Variants in SCRN1 observed in about 807,000 individuals in gnomAD.
The protein encoded by SCRN1 is secernin-1.
A neutral mutation model predicts 43.3 loss-of-function variants in SCRN1; 19 were observed. The ratio of observed to expected loss-of-function variants is 0.44; its 90% CI spans 0.31 to 0.64. The LOEUF is 0.64. Among genes scored for constraint, SCRN1 ranks in the 30% least tolerant of loss-of-function variants. The pLI is 0.09. For synonymous variants in SCRN1, 183 were observed against 188.9 expected (o/e 0.97, Z 0.26); for missense variants, 447 against 524.1 (o/e 0.85, Z 1.44).
intron 1 of SCRN1, among the ~76,000 whole-genome samples, chr7:29,987,248 T>C (rs932831666): frequency 6.6e-6 from 1 of 152,220 alleles, no homozygotes; most frequent in African/African-American, 2.4e-5. Flanking sequence ...CCATGCACAA[T>C]TTCTAGCTCT....
At position 29,921,263 on chromosome 7, in the gene SCRN1, T is replaced by A. The variant is rs1450628436; in HGVS notation, c.*2694A>T. On this transcript the variant is annotated 3_prime_UTR_variant, in exon 8 of 8. Transcript: ENST00000242059. ...CTATGACCCTTAAACATAATTTTTG[T>A]ATTTCATCTTGAATATTCATGTTCC... The A allele has an allele frequency of 6.5e-6, 1 of 152,678 alleles. No individual in the cohort carries two copies. The highest frequency in any genetic ancestry group is 2.1e-4 in the South Asian group (1 of 4,830). 9.5% of individuals were successfully genotyped at this position (152,678 alleles called of 1,614,324 possible). A position where few individuals can be genotyped will look rare whatever the true frequency, so the allele number is the denominator to read the frequency against.
intron 2 of SCRN1, among the ~76,000 whole-genome samples, chr7:29,960,070 A>AGCT (rs2128095282): frequency 6.6e-6 from 1 of 152,114 alleles, no homozygotes; most frequent in East Asian, 1.9e-4. Flanking sequence ...AGCTTTGCTC[A>AGCT]GCTCTCTCTG....
intron 6 of SCRN1, among the ~76,000 whole-genome samples, chr7:29,927,781 G>A (rs1787017453): frequency 6.6e-6 from 1 of 152,182 alleles, no homozygotes; most frequent in Admixed American, 6.5e-5. Context: ...TCTGGAGCTT[G>A]AGGAAGCCAG....
intron 2 of SCRN1, among the ~76,000 whole-genome samples, chr7:29,961,962 G>A (rs1033803793): frequency 5.3e-5 from 8 of 152,082 alleles, no homozygotes; most frequent in African/African-American, 1.9e-4. Context: ...GTTGAAGGGA[G>A]AACCGCCTGG....
intron 5 of SCRN1, among the ~76,000 whole-genome samples, chr7:29,939,239 G>C (rs151122076): frequency 1.3e-5 from 2 of 151,786 alleles, no homozygotes; most frequent in East Asian, 3.9e-4. Flanking sequence ...AAAGAGACAG[G>C]GTCTCACTCT....
intron 4 of SCRN1, among the ~76,000 whole-genome samples, chr7:29,942,982 C>T (rs927388711): frequency 6.6e-6 from 1 of 152,110 alleles, no homozygotes; most frequent in African/African-American, 2.4e-5. Context: ...GTAGATCTTC[C>T]GCTTCTAACT....
chr7:29,936,844 C>T (rs1346585271), intron 5 of SCRN1, 123 bp from the exon 6 acceptor site: 7 of 647,004 alleles, frequency 1.1e-5, no homozygotes, highest in East Asian at 3.2e-5. Context: ...CAGGAGATCG[C>T]GACCATCCTG....
chr7:29,926,718 TCCCAAGCCAACTTA>T, intron 6 of SCRN1, 86 bp from the exon 7 acceptor site: 3 of 890,074 alleles, frequency 3.4e-6, no homozygotes, highest in East Asian at 4.2e-5. Flanking sequence ...AGCAAACATT[TCCCAAGCCAACTTA>T]TGGTGGGTGG....
chr7:29,958,666 C>T (rs1315439876), intron 2 of SCRN1, among the ~76,000 whole-genome samples: 2 of 152,228 alleles, frequency 1.3e-5, no homozygotes, highest in Non-Finnish European at 2.9e-5. Flanking sequence ...TTTACAGAGA[C>T]GGTGCTGGTC....
intron 5 of SCRN1, among the ~76,000 whole-genome samples, chr7:29,937,927 A>G (rs374839830): frequency 6.6e-6 from 1 of 152,170 alleles, no homozygotes; most frequent in Non-Finnish European, 1.5e-5. Flanking sequence ...GCTTGCTTCA[A>G]CTGTCCAATG....
intron 2 of SCRN1, among the ~76,000 whole-genome samples, chr7:29,960,525 C>T (rs185137709): frequency 2.6e-5 from 4 of 152,240 alleles, no homozygotes; most frequent in Admixed American, 2.6e-4. Context: ...ATCAAGAATT[C>T]TGTCTCTGTA....
At chr7:29,949,043 C>T (rs368627517) in intron 3 of SCRN1, among the ~76,000 whole-genome samples, 2 of 152,106 alleles carry the variant, frequency 1.3e-5, no homozygotes, top group Non-Finnish European at 2.9e-5. Flanking sequence ...AGGACAGGAG[C>T]GGTGGCTCAC....
chr7:29,984,912 C>CT (rs1327707048), intron 1 of SCRN1, among the ~76,000 whole-genome samples: 1 of 131,878 alleles, frequency 7.6e-6, no homozygotes, highest in East Asian at 2.0e-4. Context: ...GAGCTAGACT[C>CT]TGTCTCAAAA....
intron 3 of SCRN1, among the ~76,000 whole-genome samples, chr7:29,953,628 T>C (rs1788030876): frequency 6.6e-6 from 1 of 152,208 alleles, no homozygotes; most frequent in Admixed American, 6.5e-5. Flanking sequence ...ACTGGCTTTT[T>C]CTGCCTTTTC....
intron 1 of SCRN1, among the ~76,000 whole-genome samples, chr7:29,975,958 G>A (rs1384672127): frequency 6.6e-6 from 1 of 152,162 alleles, no homozygotes; most frequent in Non-Finnish European, 1.5e-5. Flanking sequence ...TGCTATTGGA[G>A]GAGAGGAGAC....
chr7:29,966,943 T>A (rs1788516469), intron 2 of SCRN1, among the ~76,000 whole-genome samples: 1 of 151,368 alleles, frequency 6.6e-6, no homozygotes, highest in Non-Finnish European at 1.5e-5. Flanking sequence ...AAGATTTAGA[T>A]ATGAAAATAA....
rs1786861339 is a variant in SCRN1, at chr7:29,924,093, C to T, written c.1109G>A (p.Ser370Asn). 1.2e-6 allele frequency: 2 copies of T among 1,613,076 alleles called. No individual in the cohort carries two copies. The highest frequency in any genetic ancestry group is 1.3e-5 in the African/African-American group (1 of 74,856). ...SDQEQGRKLRSTMLELEKQGL... is the reference protein window; with the variant it reads ...SDQEQGRKLRNTMLELEKQGL... The stretch of plus-strand genomic sequence containing the variant: ...TTGCTTCTCCAGCTCCAGCATGGTG[C>T]TCCTCAGCTTGCGACCTTGCTCCTG... Residue 370 changes from serine to asparagine, a missense_variant, in exon 8 of 8, where the codon AGC (serine) becomes AAC (asparagine). Physicochemically the swap from Ser to Asn is conservative, Grantham distance 46. Coordinates refer to ENST00000242059, the MANE Select transcript of SCRN1 (RefSeq NM_014766.5).
In SCRN1 at chr7:29,920,729, A is replaced by C. The variant is rs1226679901; in HGVS notation, c.*3228T>G. 1 of 152,236 alleles carries C rather than the reference A, an allele frequency of 6.6e-6. No homozygotes were observed. The highest frequency in any genetic ancestry group is 1.5e-5 in the Non-Finnish European group (1 of 68,048). 9.4% of individuals were successfully genotyped at this position (152,236 alleles called of 1,614,324 possible). A position where few individuals can be genotyped will look rare whatever the true frequency, so the allele number is the denominator to read the frequency against. On this transcript the variant is annotated 3_prime_UTR_variant, in exon 8 of 8. Transcript: ENST00000242059. ...TCCCTGCTGAACCACCCAGTACTGA[A>C]TAACACCTGTACCAATGTGGGATGA...
intron 4 of SCRN1, among the ~76,000 whole-genome samples, chr7:29,941,329 C>G (rs992846667): frequency 2.6e-5 from 4 of 152,192 alleles, no homozygotes; most frequent in Non-Finnish European, 5.9e-5. Flanking sequence ...AAAGCCCCCT[C>G]CCTGGTCTGA....
Sources: allele counts gnomAD v4.1 joint callset (sites outside exome capture counted in the v4.1 genomes callset), GRCh38; gene constraint gnomAD v4.1.1; transcripts MANE v1.5; gene names NCBI Gene and HGNC (gene_info 2026-07-23, HGNC 2026-07-21).